The following TMEM178B variants were observed in gnomAD, a reference collection of about 807,000 sequenced individuals.
The protein encoded by TMEM178B is transmembrane protein 178B.
In TMEM178B, 5 loss-of-function variants were observed where a neutral mutation model predicts 31.0. The observed-to-expected ratio is 0.16, with a 90% confidence interval of 0.08 to 0.34. The LOEUF (loss-of-function observed/expected upper bound fraction) is 0.34, where lower values mean the gene tolerates loss of function less well. Among genes scored for constraint, TMEM178B ranks in the 10% least tolerant of loss-of-function variants. The probability of loss-of-function intolerance (pLI) is 1.00; values close to 1 mark genes in which losing one functional copy is unlikely to be tolerated. For missense variants in TMEM178B, 275 were observed against 400.3 expected (o/e 0.69, Z 2.67); for synonymous variants, 164 against 164.0 (o/e 1.00, Z 0.00).
intron 2 of TMEM178B, among the ~76,000 whole-genome samples, chr7:141,337,438 C>G (rs1323491566): frequency 5.3e-5 from 8 of 151,950 alleles, no homozygotes; most frequent in Admixed American, 5.2e-4. Context: ...TTGCCAAGTG[C>G]TATTGTAAAT....
At chr7:141,329,146 A>T (rs1799250210) in intron 2 of TMEM178B, among the ~76,000 whole-genome samples, 1 of 152,176 alleles carries the variant, frequency 6.6e-6, no homozygotes, top group African/African-American at 2.4e-5. Context: ...TGAGGGGCAC[A>T]TCTGTTACTT....
At chr7:141,227,570 A>G (rs1797366480) in intron 2 of TMEM178B, among the ~76,000 whole-genome samples, 1 of 152,166 alleles carries the variant, frequency 6.6e-6, no homozygotes, top group Non-Finnish European at 1.5e-5. Flanking sequence ...GCCGTGTCCT[A>G]TGAGCCTTAT....
chr7:141,286,491 G>A (rs1274311125), intron 2 of TMEM178B, among the ~76,000 whole-genome samples: 1 of 152,196 alleles, frequency 6.6e-6, no homozygotes, highest in African/African-American at 2.4e-5. Context: ...AGAGCCAGCT[G>A]AAGATAATCA....
At chr7:141,483,021 A>G (rs1586990719), downstream of TMEM178B, among the ~76,000 whole-genome samples, 1 of 152,130 alleles carries the variant, frequency 6.6e-6, no homozygotes, top group African/African-American at 2.4e-5. Context: ...CTGATGACCC[A>G]TGGCCAAGGT....
At chr7:141,225,288 C>T (rs942325949) in intron 2 of TMEM178B, among the ~76,000 whole-genome samples, 1 of 152,166 alleles carries the variant, frequency 6.6e-6, no homozygotes, top group African/African-American at 2.4e-5. Context: ...ACCCCTCCCC[C>T]ACCATAGGCT....
chr7:141,439,365 C>T (rs531713313), intron 3 of TMEM178B, among the ~76,000 whole-genome samples: 9 of 152,080 alleles, frequency 5.9e-5, no homozygotes, highest in East Asian at 1.9e-4. Flanking sequence ...GTGAGGGGGA[C>T]GTGATGGCTC....
chr7:141,376,180 C>T (rs1800210968), intron 2 of TMEM178B, among the ~76,000 whole-genome samples: 1 of 152,076 alleles, frequency 6.6e-6, no homozygotes, highest in African/African-American at 2.4e-5. Context: ...CCAAATAGTC[C>T]CTGTTGATGA....
At chr7:141,457,946 A>G (rs945509325) in intron 3 of TMEM178B, among the ~76,000 whole-genome samples, 2 of 152,252 alleles carry the variant, frequency 1.3e-5, no homozygotes, top group Non-Finnish European at 2.9e-5. Flanking sequence ...AAAACTTACA[A>G]AAATGTATAA....
intron 2 of TMEM178B, among the ~76,000 whole-genome samples, chr7:141,254,759 G>A (rs985368166): frequency 6.6e-6 from 1 of 152,152 alleles, no homozygotes; most frequent in Non-Finnish European, 1.5e-5. Context: ...TTTACTGCAA[G>A]TAGAATTCAA....
rs549779963 is a variant in TMEM178B, at chr7:141,471,839, G to A, written c.*1053G>A. The A allele has an allele frequency of 6.6e-6, 1 of 151,502 alleles. No individual in the cohort carries two copies. Among genetic ancestry groups the A allele is most frequent in the African/African-American group, 2.4e-5 (1 of 41,128 alleles). The allele number at this position is 151,502 out of a possible 1,614,324, so 9.4% of individuals were successfully genotyped here. On this transcript the variant is annotated 3_prime_UTR_variant, in exon 4 of 4. Transcript: ENST00000565468. The surrounding 1 kb of genome is among the most constrained non-coding windows in gnomAD (Gnocchi z 4.1). ...GTGTGGTGGATGTTTCTTGAGCGTG[G>A]GGTTTTATTGTTTGTGTTGTGTTTT...
At chr7:141,219,332 A>C (rs730320) in intron 2 of TMEM178B, among the ~76,000 whole-genome samples, 1 of 152,166 alleles carries the variant, frequency 6.6e-6, no homozygotes, top group East Asian at 1.9e-4. Context: ...CTAATGAGGT[A>C]AACATCCCAG....
At chr7:141,389,844 C>T (rs17162191) in intron 2 of TMEM178B, among the ~76,000 whole-genome samples, 11,993 of 152,164 alleles carry the variant, frequency 0.079, 569 homozygotes, top group South Asian at 0.11. Flanking sequence ...CTAGTGACCC[C>T]GGTCTTTCAG....
intron 2 of TMEM178B, among the ~76,000 whole-genome samples, chr7:141,321,284 C>A (rs1799093896): frequency 6.6e-6 from 1 of 152,194 alleles, no homozygotes; most frequent in Non-Finnish European, 1.5e-5. Flanking sequence ...ATTGGGCATA[C>A]CTTCCCAAGA....
chr7:141,218,867 C>A (rs1408187412), intron 2 of TMEM178B, among the ~76,000 whole-genome samples: 2 of 152,148 alleles, frequency 1.3e-5, no homozygotes, highest in Non-Finnish European at 2.9e-5. Flanking sequence ...GTGGACTCAG[C>A]TGGCCAGTTC....
In TMEM178B at chr7:141,112,119, A is replaced by G. The variant is rs577653391; in HGVS notation, c.382+37427A>G. ...AGCCTGTTCGCTGGTAGTCATGAAG[A>G]ACGAACACACATAGGCCATTTTCAT... On this transcript the variant is annotated intron_variant, in intron 1 of 3. Transcript: ENST00000565468. Among the ~76,000 whole-genome samples the G allele has an allele frequency of 1.4e-4, 21 of 152,336 alleles. 1 individual carries two copies. Among genetic ancestry groups the G allele is most frequent in the African/African-American group, 4.6e-4 (19 of 41,572 alleles).
At chr7:141,183,372 A>T (rs1005073265) in intron 1 of TMEM178B, among the ~76,000 whole-genome samples, 7 of 152,220 alleles carry the variant, frequency 4.6e-5, no homozygotes, top group Admixed American at 4.6e-4. Flanking sequence ...TAATTTGGTA[A>T]GTGGCAAAAA....
intron 3 of TMEM178B, among the ~76,000 whole-genome samples, chr7:141,444,851 C>T (rs1356385315): frequency 6.6e-6 from 1 of 151,922 alleles, no homozygotes; most frequent in African/African-American, 2.4e-5. Flanking sequence ...GCAGGGGCCC[C>T]ACAGCCCCTG....
At chr7:141,264,504 G>T (rs1798063604) in intron 2 of TMEM178B, among the ~76,000 whole-genome samples, 1 of 152,206 alleles carries the variant, frequency 6.6e-6, no homozygotes, top group Admixed American at 6.5e-5. Flanking sequence ...AGGGAGGGGG[G>T]TGAGGAAGTG....
intron 2 of TMEM178B, among the ~76,000 whole-genome samples, chr7:141,277,865 T>G (rs1798291542): frequency 6.6e-6 from 1 of 152,198 alleles, no homozygotes. Flanking sequence ...ATTGAATATC[T>G]GCTGAATGTT....
Sources: gnomAD v4.1 joint callset for allele counts (sites outside exome capture counted in the v4.1 genomes callset) on GRCh38, gnomAD v4.1.1 for gene constraint, Gnocchi (gnomAD v3.1) non-coding constraint, MANE v1.5 for transcripts, NCBI Gene and HGNC (gene_info 2026-07-23, HGNC 2026-07-21) for gene names.